PARD3B: variants seen among roughly 807,000 people sequenced by gnomAD.
PARD3B encodes the protein par-3 family cell polarity regulator beta.
PARD3B carries 103 observed loss-of-function variants against 130.2 expected under a neutral mutation model. The observed-to-expected ratio is 0.79, with a 90% CI of 0.67 to 0.93. The LOEUF is 0.93. Among genes scored for constraint, PARD3B ranks in the 40% least tolerant of loss-of-function variants. PARD3B has a pLI of 0.00. For synonymous variants in PARD3B, 583 were observed against 553.2 expected (o/e 1.05, Z -0.76); for missense variants, 1,609 against 1,499.2 (o/e 1.07, Z -1.21).
intron 3 of PARD3B, among the ~76,000 whole-genome samples, chr2:205,024,762 A>G (rs1696890088): frequency 6.6e-6 from 1 of 152,238 alleles, no homozygotes; most frequent in Admixed American, 6.5e-5. Context: ...TATCTTAAAC[A>G]AAAGAAATAA....
intron 1 of PARD3B, among the ~76,000 whole-genome samples, chr2:204,600,001 C>T (rs1225735927): frequency 6.6e-6 from 1 of 151,658 alleles, no homozygotes; most frequent in African/African-American, 2.4e-5. Context: ...TGAAAAATAC[C>T]TGTTCAGAGC....
chr2:205,454,156 TGCCACACTTACTCCAG>T (rs2048195331), intron 20 of PARD3B, among the ~76,000 whole-genome samples: 1 of 152,116 alleles, frequency 6.6e-6, no homozygotes, highest in Non-Finnish European at 1.5e-5. Flanking sequence ...TGTGTGGATC[TGCCACACTTACTCCAG>T]GCCTCTTGTG....
chr2:204,577,713 A>G (rs1449754443), intron 1 of PARD3B, among the ~76,000 whole-genome samples: 2 of 152,188 alleles, frequency 1.3e-5, no homozygotes, highest in Admixed American at 6.5e-5. Flanking sequence ...CTGGGACTAC[A>G]GCATGTGCCA....
chr2:205,505,212 G>A (rs1013012533), intron 21 of PARD3B, among the ~76,000 whole-genome samples: 5 of 151,766 alleles, frequency 3.3e-5, no homozygotes, highest in Admixed American at 6.6e-5. Context: ...GACACAGGAA[G>A]GGGAACATGA....
chr2:205,561,938 C>G (rs1340291928), intron 22 of PARD3B, among the ~76,000 whole-genome samples: 1 of 152,184 alleles, frequency 6.6e-6, no homozygotes, highest in Non-Finnish European at 1.5e-5. Flanking sequence ...ACTTCCCCTT[C>G]CCAGTAGGAT....
chr2:205,005,611 T>A (rs1307817571), intron 3 of PARD3B, among the ~76,000 whole-genome samples: 1 of 152,146 alleles, frequency 6.6e-6, no homozygotes, highest in East Asian at 1.9e-4. Context: ...CAAAAAGGAA[T>A]GGATTAAGAG....
At chr2:205,126,338 T>C (rs1664095433) in intron 10 of PARD3B, among the ~76,000 whole-genome samples, 1 of 152,186 alleles carries the variant, frequency 6.6e-6, no homozygotes, top group South Asian at 2.1e-4. Context: ...AAAAAATTCA[T>C]GTACATTGAT....
chr2:204,875,926 A>G (rs1015489695), intron 2 of PARD3B, among the ~76,000 whole-genome samples: 3 of 152,076 alleles, frequency 2.0e-5, no homozygotes, highest in African/African-American at 7.2e-5. Flanking sequence ...GGACCTGCTG[A>G]CTCTGAGTAG....
intron 2 of PARD3B, among the ~76,000 whole-genome samples, chr2:204,726,519 A>G (rs1361356247): frequency 6.6e-6 from 1 of 152,034 alleles, no homozygotes; most frequent in East Asian, 1.9e-4. Flanking sequence ...TGATTCTGAA[A>G]CCTCAAAGCC....
intron 2 of PARD3B, among the ~76,000 whole-genome samples, chr2:204,700,584 C>T (rs1332593276): frequency 2.0e-5 from 3 of 152,088 alleles, no homozygotes; most frequent in Non-Finnish European, 4.4e-5. Flanking sequence ...AGTATCTCTT[C>T]ACTGTCCATT....
intron 19 of PARD3B, among the ~76,000 whole-genome samples, chr2:205,427,358 C>A (rs1054734661): frequency 6.6e-6 from 1 of 152,124 alleles, no homozygotes; most frequent in Non-Finnish European, 1.5e-5. Flanking sequence ...ATCAGAAATA[C>A]CCAAATGTTC....
At chr2:205,400,633 C>T (rs1024760663) in intron 18 of PARD3B, among the ~76,000 whole-genome samples, 7 of 150,658 alleles carry the variant, frequency 4.6e-5, no homozygotes, top group South Asian at 4.2e-4. Context: ...CAGAGTGAGA[C>T]GCTGTCTCAA....
At chr2:204,995,220 G>C (rs1042853587) in intron 3 of PARD3B, among the ~76,000 whole-genome samples, 3 of 152,066 alleles carry the variant, frequency 2.0e-5, no homozygotes, top group African/African-American at 7.2e-5. Flanking sequence ...GGCTGATACT[G>C]GTTGTTCCTT....
chr2:204,613,226 G>T (rs187177819), intron 1 of PARD3B, among the ~76,000 whole-genome samples: 1 of 152,094 alleles, frequency 6.6e-6, no homozygotes, highest in Admixed American at 6.6e-5. Flanking sequence ...TATTACAAAG[G>T]TTTGAAATTC....
chr2:205,404,757 C>T (rs1037041856), intron 19 of PARD3B, among the ~76,000 whole-genome samples: 10 of 152,118 alleles, frequency 6.6e-5, no homozygotes, highest in Non-Finnish European at 1.3e-4. Flanking sequence ...TCAAGTGATC[C>T]TCCTGCCTCA....
At chr2:205,036,374 A>T (rs1025532067) in intron 3 of PARD3B, among the ~76,000 whole-genome samples, 14 of 143,276 alleles carry the variant, frequency 9.8e-5, no homozygotes, top group African/African-American at 3.5e-4. Flanking sequence ...TATAAAATAT[A>T]TATAGCAGAC....
intron 19 of PARD3B, among the ~76,000 whole-genome samples, chr2:205,401,620 C>T (rs2046255390): frequency 6.6e-6 from 1 of 152,140 alleles, no homozygotes; most frequent in African/African-American, 2.4e-5. Flanking sequence ...TGTTGCCCAT[C>T]TGTTAAAGGG....
At chr2:205,548,550 A>G (rs2052475468) in intron 21 of PARD3B, among the ~76,000 whole-genome samples, 1 of 151,658 alleles carries the variant, frequency 6.6e-6, no homozygotes, top group South Asian at 2.1e-4. Context: ...TCCTAATGAC[A>G]CTCTCTTGTC....
intron 15 of PARD3B, among the ~76,000 whole-genome samples, chr2:205,197,026 GGGGGGGGT>G (rs147516970): frequency 0.18 from 9,359 of 52,572 alleles, 1,069 homozygotes; most frequent in African/African-American, 0.47. Flanking sequence ...TCCACTGTGG[GGGGGGGGT>G]GTGTGTGTGT....
Sources: allele counts gnomAD v4.1 joint callset (sites outside exome capture counted in the v4.1 genomes callset), GRCh38; gene constraint gnomAD v4.1.1; transcripts MANE v1.5; gene names NCBI Gene and HGNC (gene_info 2026-07-23, HGNC 2026-07-21).